The following CNTLN variants were observed in gnomAD, a reference collection of about 807,000 sequenced individuals.
The protein encoded by CNTLN is centlein.
In CNTLN, 212 loss-of-function variants were observed where a neutral mutation model predicts 180.0. The ratio of observed to expected loss-of-function variants is 1.18; its 90% CI spans 1.05 to 1.32. The LOEUF (loss-of-function observed/expected upper bound fraction) is 1.32, where lower values mean the gene tolerates loss of function less well. Among genes scored for constraint, CNTLN ranks in the 40% most tolerant of loss-of-function variants. CNTLN has a pLI of 0.00. For missense variants in CNTLN, 2,095 were observed against 1,610.9 expected (o/e 1.30, Z -5.14); for synonymous variants, 722 against 563.1 (o/e 1.28, Z -3.99).
intron 2 of CNTLN, among the ~76,000 whole-genome samples, chr9:17,207,220 C>A (rs141173231): frequency 2.0e-5 from 3 of 152,136 alleles, no homozygotes; most frequent in African/African-American, 7.2e-5. Flanking sequence ...TATATTAATT[C>A]GCTTTTTATA....
rs188113025 is a variant in CNTLN at position 17,334,248 on chromosome 9, T to C, written c.1644+1518T>C. Among the ~76,000 whole-genome samples the C allele has an allele frequency of 2.0e-3, 306 of 152,092 alleles. 3 individuals carry two copies. The highest frequency in any genetic ancestry group is 0.017 in the Admixed American group (267 of 15,264). ...CTAATTTTTGTGTTTTTAGCAGAGA[T>C]GGAGTTTTACCATGTTGGCCAGGCT... On this transcript the variant is annotated intron_variant, in intron 10 of 25. Coordinates refer to ENST00000380647, the MANE Select transcript of CNTLN (RefSeq NM_017738.4).
At chr9:17,356,678 A>C (rs534919217) in intron 12 of CNTLN, among the ~76,000 whole-genome samples, 2 of 152,282 alleles carry the variant, frequency 1.3e-5, no homozygotes, top group African/African-American at 4.8e-5. Flanking sequence ...TACTTCAATA[A>C]ATATGCTGGG....
At chr9:17,172,006 T>C (rs1276979488) in intron 2 of CNTLN, among the ~76,000 whole-genome samples, 2 of 152,130 alleles carry the variant, frequency 1.3e-5, no homozygotes, top group Non-Finnish European at 2.9e-5. Flanking sequence ...CTTCAATGTT[T>C]GAGGCATGGA....
At chr9:17,148,021 G>T (rs932427138) in intron 2 of CNTLN, among the ~76,000 whole-genome samples, 3 of 152,148 alleles carry the variant, frequency 2.0e-5, no homozygotes, top group Non-Finnish European at 4.4e-5. Flanking sequence ...TGTCTGTGTA[G>T]ATGTGTTGTG....
At chr9:17,346,822 T>G (rs994102517) in intron 12 of CNTLN, among the ~76,000 whole-genome samples, 1 of 152,210 alleles carries the variant, frequency 6.6e-6, no homozygotes, top group African/African-American at 2.4e-5. Context: ...CCTACATTTC[T>G]TTTCCTTTGA....
At chr9:17,526,265 T>C in the CNTLN span, among the ~76,000 whole-genome samples, 28 of 152,196 alleles carry the variant, frequency 1.8e-4, no homozygotes, top group African/African-American at 6.7e-4. Context: ...ATTTCCCTAC[T>C]CAAAATAGCC....
rs756694065 is a variant in CNTLN at position 17,484,441 on chromosome 9, G to C, written c.4002G>C (p.Arg1334=). The C allele has an allele frequency of 6.9e-6, 11 of 1,605,616 alleles. No homozygotes were observed. In the Middle Eastern group the frequency reaches 5.0e-4, roughly 72 times the overall value. The change falls in exon 24 of 26, where the codon CGG becomes CGC. Residue 1334 remains arginine, a synonymous_variant. Transcript: ENST00000380647. ...TLAASILNIS[R]SDLEEILDTE... is the part of the protein sequence containing the mutation. ...CAGCTTCTATCCTGAACATTTCACG[G>C]TCAGATTTAGAGGAAATATTAGACA... is the stretch of plus-strand genomic sequence containing the variant.
At chr9:17,282,382 G>C (rs1047148176) in intron 6 of CNTLN, among the ~76,000 whole-genome samples, 5 of 152,150 alleles carry the variant, frequency 3.3e-5, no homozygotes, top group African/African-American at 1.2e-4. Context: ...CATCATAAAT[G>C]TCTTCTTTTG....
chr9:17,290,871 G>A (rs963579747), intron 6 of CNTLN, among the ~76,000 whole-genome samples: 3 of 152,202 alleles, frequency 2.0e-5, no homozygotes, highest in Admixed American at 6.5e-5. Context: ...TTCGGCTCGC[G>A]CATGGTGCGT....
At chr9:17,473,257 C>G (rs1339684017) in intron 23 of CNTLN, among the ~76,000 whole-genome samples, 1 of 152,184 alleles carries the variant, frequency 6.6e-6, no homozygotes, top group African/African-American at 2.4e-5. Context: ...ATTCTGCTAT[C>G]TTCTCAAACC....
chr9:17,211,790 C>T (rs962438923), intron 2 of CNTLN, among the ~76,000 whole-genome samples: 1 of 152,040 alleles, frequency 6.6e-6, no homozygotes, highest in Non-Finnish European at 1.5e-5. Flanking sequence ...AAGTTGGATT[C>T]CTAGGTATTT....
At chr9:17,217,250 T>G (rs1440819261) in intron 2 of CNTLN, among the ~76,000 whole-genome samples, 1 of 152,236 alleles carries the variant, frequency 6.6e-6, no homozygotes, top group African/African-American at 2.4e-5. Flanking sequence ...ATAGCTTTTG[T>G]TTTTAAGGTA....
At position 17,415,862 on chromosome 9, in the gene CNTLN, T is replaced by C. The variant is rs530810664; in HGVS notation, c.2871T>C (p.His957=). Reference sequence around the variant, plus strand: ...ATTGCAAGATGCAAAAGAGTTCACATACAGCAGTTCCTACTAGAGGTAAGA... The same window carrying C: ...ATTGCAAGATGCAAAAGAGTTCACACACAGCAGTTCCTACTAGAGGTAAGA... ...KKNCKMQKSS[H]TAVPTRVNRE... The change falls in exon 17 of 26, where the codon CAT becomes CAC. Residue 957 remains histidine, a synonymous_variant. Coordinates refer to ENST00000380647, the MANE Select transcript of CNTLN (RefSeq NM_017738.4). The C allele has an allele frequency of 1.9e-6, 3 of 1,612,278 alleles. No homozygotes were observed. The South Asian group carries it at 3.3e-5, about 18-fold the overall frequency.
At chr9:17,335,404 C>A (rs892195810) in intron 10 of CNTLN, among the ~76,000 whole-genome samples, 1 of 152,124 alleles carries the variant, frequency 6.6e-6, no homozygotes, top group Admixed American at 6.5e-5. Flanking sequence ...CTAATCCCAG[C>A]TACTCAGGGG....
chr9:17,342,538 T>A, intron 12 of CNTLN, 94 bp downstream of exon 12: 1 of 1,142,048 alleles, frequency 8.8e-7, no homozygotes, highest in Non-Finnish European at 1.2e-6. Flanking sequence ...CTTTATAAAA[T>A]TTGAAATAAT....
chr9:17,179,255 A>T, intron 2 of CNTLN, among the ~76,000 whole-genome samples: 1 of 143,468 alleles, frequency 7.0e-6, no homozygotes, highest in South Asian at 2.2e-4. Context: ...AAAAAAAAAA[A>T]AAAAAAAAGA....
At chr9:17,230,304 C>G (rs1179404380) in intron 3 of CNTLN, among the ~76,000 whole-genome samples, 2 of 152,112 alleles carry the variant, frequency 1.3e-5, no homozygotes, top group African/African-American at 4.8e-5. Flanking sequence ...CCTACAGAGG[C>G]AATTTAATTT....
intron 18 of CNTLN, among the ~76,000 whole-genome samples, chr9:17,449,088 A>C (rs769242915): frequency 3.9e-5 from 6 of 152,180 alleles, no homozygotes; most frequent in Non-Finnish European, 5.9e-5. Flanking sequence ...GAGGGCTATG[A>C]CTGAACTCAT....
Position 17,449,810 on chromosome 9 carries a change from G to T in CNTLN, c.3115-7714G>T, listed in dbSNP as rs560337038. On this transcript the variant is annotated intron_variant, in intron 18 of 25. Coordinates refer to ENST00000380647, the MANE Select transcript of CNTLN (RefSeq NM_017738.4). ...ACACTACCTTGCTAATATCACATAGGTTAAAATTTGCTATAAAGGCATATA... is the reference window on the plus strand; with the variant it reads ...ACACTACCTTGCTAATATCACATAGTTTAAAATTTGCTATAAAGGCATATA... Among the ~76,000 whole-genome samples, 3 of 152,228 alleles carry T rather than the reference G, an allele frequency of 2.0e-5. No individual in the cohort carries two copies. In the East Asian group the frequency reaches 5.8e-4, roughly 29 times the overall value.
Sources: allele counts gnomAD v4.1 joint callset (sites outside exome capture counted in the v4.1 genomes callset), GRCh38; gene constraint gnomAD v4.1.1; transcripts MANE v1.5; gene names NCBI Gene and HGNC (gene_info 2026-07-23, HGNC 2026-07-21).